Variants in MACROD2 observed in about 807,000 individuals in gnomAD.
MACROD2 encodes the protein ADP-ribose glycohydrolase MACROD2.
Under a neutral mutation model 70.4 loss-of-function variants are expected in MACROD2, and 36 were observed. The observed-to-expected ratio is 0.51, with a 90% confidence interval of 0.39 to 0.68. The LOEUF (loss-of-function observed/expected upper bound fraction) is 0.68, where lower values mean the gene tolerates loss of function less well. MACROD2 is among the 30% of genes least tolerant of loss of function. The pLI, the probability that MACROD2 is intolerant of heterozygous loss-of-function variation, is 0.00. For missense variants in MACROD2, 496 were observed against 538.4 expected, an observed-to-expected ratio of 0.92 and a Z score of 0.78; for synonymous variants, 172 against 178.8, an observed-to-expected ratio of 0.96 and a Z score of 0.30.
intron 3 of MACROD2, among the ~76,000 whole-genome samples, chr20:14,237,046 A>G (rs542177124): frequency 1.3e-5 from 2 of 152,256 alleles, no homozygotes; most frequent in African/African-American, 4.8e-5. Flanking sequence ...AATCCTGGGT[A>G]TAGAATTCCT....
intron 8 of MACROD2, among the ~76,000 whole-genome samples, chr20:15,756,170 A>G (rs2051344575): frequency 6.6e-6 from 1 of 152,170 alleles, no homozygotes; most frequent in South Asian, 2.1e-4. Flanking sequence ...CACTGGTACT[A>G]TGTTATGCAA....
chr20:15,969,688 A>G (rs1043971010), intron 13 of MACROD2, among the ~76,000 whole-genome samples: 7 of 152,110 alleles, frequency 4.6e-5, no homozygotes, highest in Non-Finnish European at 7.4e-5. Flanking sequence ...AAGAAAGAGG[A>G]AAAGATATTA....
chr20:15,347,648 A>G (rs1310594576), intron 6 of MACROD2, among the ~76,000 whole-genome samples: 1 of 152,172 alleles, frequency 6.6e-6, no homozygotes, highest in Non-Finnish European at 1.5e-5. Flanking sequence ...TGTTTTCTCC[A>G]AGTTTTAATC....
At chr20:15,472,717 G>A (rs1287734115) in intron 7 of MACROD2, among the ~76,000 whole-genome samples, 1 of 151,570 alleles carries the variant, frequency 6.6e-6, no homozygotes, top group Admixed American at 6.6e-5. Flanking sequence ...TATCATTTCA[G>A]TACTTGTTTT....
intron 3 of MACROD2, among the ~76,000 whole-genome samples, chr20:14,142,951 G>A (rs140720480): frequency 2.0e-5 from 3 of 152,254 alleles, no homozygotes; most frequent in Non-Finnish European, 4.4e-5. Context: ...TTAAGAGTGT[G>A]GGTGTACATG....
chr20:14,908,082 G>A (rs552047373), intron 5 of MACROD2, among the ~76,000 whole-genome samples: 15 of 152,270 alleles, frequency 9.9e-5, no homozygotes, highest in African/African-American at 3.1e-4. Flanking sequence ...GGTGGCTCAC[G>A]CCTGTAATCC....
chr20:15,388,062 C>A (rs1479763545), intron 6 of MACROD2, among the ~76,000 whole-genome samples: 2 of 151,974 alleles, frequency 1.3e-5, no homozygotes, highest in Non-Finnish European at 2.9e-5. Flanking sequence ...TCGCTAAACT[C>A]CCCCAACCTA....
rs142195119 is a variant in MACROD2 at position 15,477,247 on chromosome 20, C to T, written c.572-22527C>T. Among the ~76,000 whole-genome samples the T allele has an allele frequency of 1.1e-3, 162 of 151,980 alleles. 1 individual carries two copies. The highest frequency in any genetic ancestry group is 3.2e-3 in the African/African-American group (134 of 41,464). Reference sequence around the variant, plus strand: ...TCCCAAGTAGCTGGGACTACAGGCACGCACCACCATAGCAGGCAAACTTCT... The same window carrying T: ...TCCCAAGTAGCTGGGACTACAGGCATGCACCACCATAGCAGGCAAACTTCT... On this transcript the variant is annotated intron_variant, in intron 7 of 17. Coordinates refer to ENST00000684519, the MANE Select transcript of MACROD2 (RefSeq NM_001351661.2).
intron 3 of MACROD2, among the ~76,000 whole-genome samples, chr20:14,269,436 C>T (rs1199318520): frequency 6.6e-6 from 1 of 152,044 alleles, no homozygotes; most frequent in Non-Finnish European, 1.5e-5. Context: ...TGGGGTCTGA[C>T]AAAAATAAAT....
chr20:15,192,131 C>G (rs1185230090), intron 5 of MACROD2, among the ~76,000 whole-genome samples: 9 of 151,718 alleles, frequency 5.9e-5, no homozygotes, highest in Admixed American at 5.3e-4. Context: ...TTAATCCTCT[C>G]TTCCCTTTCC....
chr20:14,331,063 C>T (rs78733193), intron 3 of MACROD2, among the ~76,000 whole-genome samples: 57 of 152,124 alleles, frequency 3.7e-4, no homozygotes, highest in Middle Eastern at 3.4e-3. Context: ...AAGAGTCAAG[C>T]ATTTCTGATA....
chr20:14,733,960 G>A (rs2071627946), intron 5 of MACROD2, among the ~76,000 whole-genome samples: 1 of 152,130 alleles, frequency 6.6e-6, no homozygotes, highest in South Asian at 2.1e-4. Flanking sequence ...ATAATCGTGT[G>A]TTCTCTGACT....
At chr20:15,249,876 A>C (rs1601299093) in intron 6 of MACROD2, among the ~76,000 whole-genome samples, 1 of 152,372 alleles carries the variant, frequency 6.6e-6, no homozygotes, top group East Asian at 1.9e-4. Flanking sequence ...CCATTACCAA[A>C]TAATTGTGGT....
chr20:14,902,006 C>A (rs766772068), intron 5 of MACROD2, among the ~76,000 whole-genome samples: 1 of 152,136 alleles, frequency 6.6e-6, no homozygotes, highest in Non-Finnish European at 1.5e-5. Flanking sequence ...TTACTCTAAG[C>A]AGTCAATAAT....
At chr20:15,114,169 C>T (rs2075976038) in intron 5 of MACROD2, among the ~76,000 whole-genome samples, 1 of 152,174 alleles carries the variant, frequency 6.6e-6, no homozygotes, top group Admixed American at 6.5e-5. Flanking sequence ...TGTCCTGCAT[C>T]AGACCTCTGT....
chr20:14,459,040 C>T (rs2123009504), intron 3 of MACROD2, among the ~76,000 whole-genome samples: 2 of 151,924 alleles, frequency 1.3e-5, no homozygotes, highest in South Asian at 2.1e-4. Context: ...TTAATCCCTC[C>T]CCAATACTCA....
intron 8 of MACROD2, among the ~76,000 whole-genome samples, chr20:15,828,058 A>C (rs574744950): frequency 1.3e-5 from 2 of 152,332 alleles, no homozygotes; most frequent in African/African-American, 4.8e-5. Flanking sequence ...CTGGAGGTCT[A>C]TTGTACAGAA....
At chr20:15,658,060 C>CT (rs1568957133) in intron 8 of MACROD2, among the ~76,000 whole-genome samples, 1 of 152,082 alleles carries the variant, frequency 6.6e-6, no homozygotes, top group South Asian at 2.1e-4. Flanking sequence ...TTTTCTTAAC[C>CT]TTTATTTTCT....
chr20:14,802,225 T>C (rs1180607019), intron 5 of MACROD2, among the ~76,000 whole-genome samples: 4 of 152,104 alleles, frequency 2.6e-5, no homozygotes, highest in African/African-American at 7.2e-5. Context: ...AAACTGTTTC[T>C]AACCATAGAA....
Sources: allele counts gnomAD v4.1 joint callset (sites outside exome capture counted in the v4.1 genomes callset), GRCh38; gene constraint gnomAD v4.1.1; transcripts MANE v1.5; gene names NCBI Gene and HGNC (gene_info 2026-07-23, HGNC 2026-07-21).